FRAS1: variants seen among roughly 807,000 people sequenced by gnomAD.
FRAS1 encodes the protein Fraser extracellular matrix complex subunit 1, also known as extracellular matrix organizing protein FRAS1.
In FRAS1, 290 loss-of-function variants were observed where a neutral mutation model predicts 435.2. That is an observed-to-expected ratio of 0.67 (90% CI 0.61 to 0.73). The LOEUF (loss-of-function observed/expected upper bound fraction) is 0.73. Ranked by LOEUF, FRAS1 falls within the 30% of genes least tolerant of loss-of-function variation. The pLI, the probability that FRAS1 is intolerant of heterozygous loss-of-function variation, is 0.00. For synonymous variants in FRAS1, 1,800 were observed against 1,851.0 expected, an observed-to-expected ratio of 0.97 and a Z score of 0.71; for missense variants, 4,860 against 5,001.5, an observed-to-expected ratio of 0.97 and a Z score of 0.85.
chr4:78,264,842 A>T (rs369637317), intron 6 of FRAS1, 183 bp from the exon 7 acceptor site: 2 of 687,316 alleles, frequency 2.9e-6, no homozygotes. Context: ...TTAAGGGCAC[A>T]CTGACCTTGG....
intron 2 of FRAS1, among the ~76,000 whole-genome samples, chr4:78,086,813 G>C (rs1741205464): frequency 6.6e-6 from 1 of 152,150 alleles, no homozygotes; most frequent in African/African-American, 2.4e-5. Context: ...TCCAGGACCA[G>C]ATGGATTCAC....
At chr4:78,530,341 G>A (rs757109739) in intron 70 of FRAS1, among the ~76,000 whole-genome samples, 36 of 151,988 alleles carry the variant, frequency 2.4e-4, no homozygotes, top group African/African-American at 4.6e-4. Flanking sequence ...AGGATACTGA[G>A]GCTTCAGAGT....
chr4:78,142,875 G>A (rs1720253383), intron 2 of FRAS1, among the ~76,000 whole-genome samples: 1 of 151,982 alleles, frequency 6.6e-6, no homozygotes. Flanking sequence ...GTTAAGGAAT[G>A]TGCAACTAAC....
chr4:78,534,002 C>T (rs1721802993), intron 70 of FRAS1, among the ~76,000 whole-genome samples: 1 of 152,092 alleles, frequency 6.6e-6, no homozygotes, highest in African/African-American at 2.4e-5. Context: ...GAGGTAGGCA[C>T]ACAGAGCAAG....
chr4:78,277,266 G>A (rs2110172644), intron 9 of FRAS1, among the ~76,000 whole-genome samples: 1 of 152,278 alleles, frequency 6.6e-6, no homozygotes, highest in East Asian at 1.9e-4. Context: ...CACTTCCCTG[G>A]TGAGGCAATG....
intron 4 of FRAS1, among the ~76,000 whole-genome samples, chr4:78,248,300 C>G (rs761815981): frequency 1.3e-5 from 2 of 152,198 alleles, no homozygotes; most frequent in African/African-American, 2.4e-5. Context: ...GGGAGGCAAG[C>G]CTCAAATGCG....
At chr4:78,264,936 A>C (rs75643057) in intron 6 of FRAS1, 89 bp from the exon 7 acceptor site, 11,258 of 771,810 alleles carry the variant, frequency 0.015, 108 homozygotes, top group Non-Finnish European at 0.018. Flanking sequence ...TGGGGGCATG[A>C]TTTAGTTGGC....
At chr4:78,086,662 A>G (rs1393273867) in intron 2 of FRAS1, among the ~76,000 whole-genome samples, 1 of 152,222 alleles carries the variant, frequency 6.6e-6, no homozygotes, top group Non-Finnish European at 1.5e-5. Context: ...ACACAAATAA[A>G]CTAGAAAATC....
intron 20 of FRAS1, among the ~76,000 whole-genome samples, chr4:78,347,787 G>GTTT (rs554835851): frequency 5.4e-5 from 3 of 55,060 alleles, no homozygotes; most frequent in Non-Finnish European, 1.4e-4. Flanking sequence ...GTGTGTGTGT[G>GTTT]TTTTTTTTTT....
At chr4:78,302,961 G>T (rs912179068) in intron 14 of FRAS1, among the ~76,000 whole-genome samples, 38 of 152,206 alleles carry the variant, frequency 2.5e-4, no homozygotes, top group African/African-American at 8.7e-4. Context: ...GTAATGCCTA[G>T]GTTTTCTTCT....
intron 2 of FRAS1, among the ~76,000 whole-genome samples, chr4:78,165,366 G>A (rs1372401485): frequency 6.6e-6 from 1 of 152,120 alleles, no homozygotes. Context: ...TGAAAAACCC[G>A]AGGATCTTGC....
chr4:78,247,918 G>A (rs1725323458), intron 4 of FRAS1, among the ~76,000 whole-genome samples: 1 of 152,132 alleles, frequency 6.6e-6, no homozygotes, highest in Admixed American at 6.6e-5. Flanking sequence ...GTGGCAGGAG[G>A]GGAGGCAGTT....
chr4:78,464,659 T>C, intron 49 of FRAS1, 76 bp downstream of exon 49: 1 of 1,503,002 alleles, frequency 6.7e-7, no homozygotes, highest in Non-Finnish European at 9.1e-7. Context: ...GTTGCAGCTG[T>C]GCATCCTGAT....
chr4:78,276,143 C>T (rs988297381), intron 9 of FRAS1, among the ~76,000 whole-genome samples: 9 of 152,220 alleles, frequency 5.9e-5, no homozygotes, highest in African/African-American at 1.9e-4. Context: ...ACGTAGTTCT[C>T]ATGCCATGGT....
chr4:78,506,873 G>A (rs1420920151), intron 61 of FRAS1, among the ~76,000 whole-genome samples: 5 of 152,106 alleles, frequency 3.3e-5, no homozygotes, highest in African/African-American at 1.2e-4. Flanking sequence ...TTCCTATTCG[G>A]CCATCTTGGA....
chr4:78,058,780 G>T (rs1173193157), intron 1 of FRAS1, among the ~76,000 whole-genome samples: 1 of 152,224 alleles, frequency 6.6e-6, no homozygotes. Context: ...AGCCGCAGGA[G>T]AGAAAAGGAA....
Position 78,058,031 on chromosome 4 carries a change from C to T in FRAS1, c.22C>T (p.Leu8Phe). ...GGCGATGGGTGTCCTCAAAGTGTGG[C>T]TCGGGCTGGCCCTAGCGTTGGCGGA... MGVLKVW[L>F]GLALALAEFA... The change falls in exon 1 of 74, where the codon CTC becomes TTC. Residue 8 changes from leucine (L) to phenylalanine (F), a missense_variant. By Grantham distance (22) the Leu-to-Phe change is conservative (BLOSUM62 0). Coordinates refer to ENST00000512123, the MANE Select transcript of FRAS1 (RefSeq NM_025074.7). 1 of 1,614,000 alleles carries T rather than the reference C, an allele frequency of 6.2e-7. No individual in the cohort carries two copies. The highest frequency in any genetic ancestry group is 8.5e-7 in the Non-Finnish European group (1 of 1,179,878).
intron 58 of FRAS1, among the ~76,000 whole-genome samples, chr4:78,486,830 ATTTTTTTTT>A (rs67268640): frequency 3.2e-5 from 4 of 123,548 alleles, no homozygotes; most frequent in African/African-American, 1.2e-4. Context: ...CTCTCTCTCT[ATTTTTTTTT>A]TTTTTTTTTT....
chr4:78,537,682 C>G (rs1721926473), intron 72 of FRAS1, among the ~76,000 whole-genome samples: 1 of 152,164 alleles, frequency 6.6e-6, no homozygotes, highest in Admixed American at 6.5e-5. Flanking sequence ...GTGGCTCATG[C>G]CTGTAATCCC....
Sources: allele counts gnomAD v4.1 joint callset (sites outside exome capture counted in the v4.1 genomes callset), GRCh38; gene constraint gnomAD v4.1.1; transcripts MANE v1.5; gene names NCBI Gene and HGNC (gene_info 2026-07-23, HGNC 2026-07-21).